INTU: variants seen among roughly 807,000 people sequenced by gnomAD.
INTU encodes inturned planar cell polarity protein.
Under a neutral mutation model 100.5 loss-of-function variants are expected in INTU, and 68 were observed. That is an observed-to-expected ratio of 0.68 (90% CI 0.56 to 0.83). INTU has a LOEUF of 0.83. Among genes scored for constraint, INTU ranks in the 40% least tolerant of loss-of-function variants. The pLI is 0.00. For synonymous variants in INTU, 357 were observed against 395.7 expected, an observed-to-expected ratio of 0.90 and a Z score of 1.16; for missense variants, 1,071 against 1,114.7, an observed-to-expected ratio of 0.96 and a Z score of 0.56.
rs544608677 is a variant in INTU at position 127,644,055 on chromosome 4, T to A, written c.681T>A (p.Ile227=). ...CTATGAAGAGCGGTCAGGTACTCAT[T>A]GGTAAGTGTTGCTGGTACACATCCA... ...GSAMKSGQVL[I]GDVLVAVNDV... The change falls in exon 2 of 16, where the codon ATT becomes ATA. Residue 227 remains isoleucine (I), a splice_region_variant and synonymous_variant. Transcript: ENST00000335251. 1 of 1,609,748 alleles carries A rather than the reference T, an allele frequency of 6.2e-7. No individual in the cohort carries two copies. The highest frequency in any genetic ancestry group is 1.1e-5 in the South Asian group (1 of 90,724).
In INTU at chr4:127,658,291, G is replaced by C. The variant is rs975616955; in HGVS notation, c.768+1570G>C. On this transcript the variant is annotated intron_variant, in intron 3 of 15. Coordinates refer to ENST00000335251, the MANE Select transcript of INTU (RefSeq NM_015693.4). ...GTGCTGGAATAACTATGGTAGCTGAGACCAGCAATGCCTAGGAATGGATAG... is the reference window on the plus strand; with the variant it reads ...GTGCTGGAATAACTATGGTAGCTGACACCAGCAATGCCTAGGAATGGATAG... Among the ~76,000 whole-genome samples the C allele has an allele frequency of 5.9e-5, 9 of 151,788 alleles. No homozygotes were observed. In the East Asian group the frequency reaches 1.7e-3, roughly 29 times the overall value.
intron 5 of INTU, among the ~76,000 whole-genome samples, chr4:127,673,857 A>G (rs1246918747): frequency 6.6e-6 from 1 of 151,504 alleles, no homozygotes; most frequent in Non-Finnish European, 1.5e-5. Context: ...TTGGTCTCCC[A>G]AAGTGCTAGG....
At chr4:127,641,292 A>G (rs1727322810) in intron 1 of INTU, among the ~76,000 whole-genome samples, 1 of 152,110 alleles carries the variant, frequency 6.6e-6, no homozygotes, top group South Asian at 2.1e-4. Flanking sequence ...CCTGCACTAC[A>G]AAAGCCAAAC....
At position 127,669,054 on chromosome 4, in the gene INTU, T is replaced by C. The variant is rs1233033292; in HGVS notation, c.991T>C (p.Tyr331His). The change falls in exon 5 of 16, where the codon TAT becomes CAT. Residue 331 changes from tyrosine (Y) to histidine (H), a missense_variant. Physicochemically the swap from Tyr to His is moderately conservative, Grantham distance 83 (BLOSUM62 2). Coordinates refer to ENST00000335251, the MANE Select transcript of INTU (RefSeq NM_015693.4). ...TTAACAGCAGGAAATTCTTTATCAT[T>C]ATCCAATGTCTGAAGCATCTCAGAA... The part of the protein sequence containing the change: ...SKEEQEILYH[Y>H]PMSEASQKLK... 1.3e-5 allele frequency: 20 copies of C among 1,484,304 alleles called. No homozygotes were observed. The highest frequency in any genetic ancestry group is 4.2e-5 in the African/African-American group (3 of 71,466). The allele number at this position is 1,484,304 out of a possible 1,614,324, so 91.9% of individuals were successfully genotyped here. A position where few individuals can be genotyped will look rare whatever the true frequency, so the allele number is the denominator to read the frequency against.
chr4:127,687,987 A>C, intron 8 of INTU, 120 bp downstream of exon 8: 1 of 654,162 alleles, frequency 1.5e-6, no homozygotes, highest in South Asian at 4.0e-5. Flanking sequence ...TTAAAGAGGC[A>C]ATTGGTTGAC....
rs1361720656 is a variant in INTU, at chr4:127,726,307, A to G, written c.*9871A>G. The G allele has an allele frequency of 2.0e-5, 3 of 152,212 alleles. No individual in the cohort carries two copies. Among genetic ancestry groups the G allele is most frequent in the African/African-American group, 7.2e-5 (3 of 41,468 alleles). The allele number at this position is 152,212 out of a possible 1,614,324, so 9.4% of individuals were successfully genotyped here. A position where few individuals can be genotyped will look rare whatever the true frequency, so the allele number is the denominator to read the frequency against. ...CTGCTTTTTTATATTTCTAATACAA[A>G]TGGGCAAAGCTGTGAAACCAATTTA... On this transcript the variant is annotated 3_prime_UTR_variant, in exon 16 of 16. Transcript: ENST00000335251.
intron 6 of INTU, among the ~76,000 whole-genome samples, chr4:127,674,587 G>T (rs1050142239): frequency 1.3e-5 from 2 of 152,120 alleles, no homozygotes; most frequent in African/African-American, 4.8e-5. Context: ...CAGCAGAAGG[G>T]TATTTTGCCC....
At chr4:127,700,144 G>A in intron 9 of INTU, 81 bp downstream of exon 9, 2 of 1,116,726 alleles carry the variant, frequency 1.8e-6, no homozygotes, top group South Asian at 2.8e-5. Context: ...TATTTACCAA[G>A]TGGATATATA....
chr4:127,650,920 G>C (rs1268914488), intron 2 of INTU, among the ~76,000 whole-genome samples: 1 of 152,194 alleles, frequency 6.6e-6, no homozygotes, highest in East Asian at 1.9e-4. Context: ...ATTCTAACTG[G>C]TGTGAGATGG....
chr4:127,716,509 C>T lies in INTU; in HGVS notation c.*73C>T, dbSNP rs1245091714. 3.4e-6 allele frequency: 2 copies of T among 588,474 alleles called. No homozygotes were observed. The highest frequency in any genetic ancestry group is 5.8e-6 in the Non-Finnish European group (2 of 347,552). The allele number at this position is 588,474 out of a possible 1,614,324, so 36.5% of individuals were successfully genotyped here. The stretch of plus-strand genomic sequence containing the variant: ...TGTCAGAATTGCTGAAATCAATACA[C>T]AAAGAGATAAAGTTTAGCTTCTTTT... On this transcript the variant is annotated 3_prime_UTR_variant, in exon 16 of 16. Transcript: ENST00000335251.
intron 2 of INTU, among the ~76,000 whole-genome samples, chr4:127,655,416 T>C (rs1056952475): frequency 6.7e-6 from 1 of 149,966 alleles, no homozygotes; most frequent in Non-Finnish European, 1.5e-5. Flanking sequence ...GGATGTCCTT[T>C]CTGTTTGTTA....
chr4:127,688,889 C>G (rs538924581), intron 8 of INTU, among the ~76,000 whole-genome samples: 25 of 151,768 alleles, frequency 1.6e-4, no homozygotes, highest in African/African-American at 5.1e-4. Flanking sequence ...TTGTCCTTAG[C>G]TCTATCAACT....
At position 127,642,580 on chromosome 4, in the gene INTU, G is replaced by A. The variant is rs1286281976; in HGVS notation, c.147-941G>A. Among the ~76,000 whole-genome samples the A allele has an allele frequency of 3.9e-5, 6 of 152,074 alleles. No individual in the cohort carries two copies. In the East Asian group the frequency reaches 1.2e-3, roughly 29 times the overall value. ...TACAACACAAATTATACTCTTTCAG[G>A]CCGGGATATTACAGCTCATGTTTCT... On this transcript the variant is annotated intron_variant, in intron 1 of 15. Coordinates refer to ENST00000335251, the MANE Select transcript of INTU (RefSeq NM_015693.4).
In INTU at chr4:127,655,224, G is replaced by C. The variant is rs529740519; in HGVS notation, c.683-1412G>C. 3.3e-5 allele frequency among the ~76,000 whole-genome samples: 5 copies of C among 152,150 alleles called. No individual in the cohort carries two copies. The East Asian group carries it at 9.6e-4, about 29-fold the overall frequency. On this transcript the variant is annotated intron_variant, in intron 2 of 15. Coordinates refer to ENST00000335251, the MANE Select transcript of INTU (RefSeq NM_015693.4). ...GTCTGAAGCCTTCTTCTCTCAGCTC[G>C]TCAAAGTCATTCTCCATCCAGCTTT...
chr4:127,700,183 G>T, intron 9 of INTU, 120 bp downstream of exon 9: 3 of 734,644 alleles, frequency 4.1e-6, no homozygotes, highest in Non-Finnish European at 6.4e-6. Flanking sequence ...TTAGGCCTCT[G>T]TTTTGACAGT....
intron 6 of INTU, among the ~76,000 whole-genome samples, chr4:127,678,433 T>C (rs969286464): frequency 1.2e-4 from 19 of 152,174 alleles, no homozygotes; most frequent in Non-Finnish European, 4.4e-5. Context: ...CAGAAGAGAC[T>C]GGGGGCCAAT....
chr4:127,634,457 C>T (rs1302972525), intron 1 of INTU, among the ~76,000 whole-genome samples: 2 of 152,144 alleles, frequency 1.3e-5, no homozygotes, highest in Non-Finnish European at 2.9e-5. Flanking sequence ...GAATTCAAGA[C>T]GCCTGATACC....
At chr4:127,704,852 C>T (rs1054470106) in intron 10 of INTU, among the ~76,000 whole-genome samples, 1 of 151,944 alleles carries the variant, frequency 6.6e-6, no homozygotes, top group Admixed American at 6.6e-5. Context: ...CTTTGGGGGG[C>T]CGAGGCAGGC....
In INTU at chr4:127,726,629, TATGAA is replaced by T. The variant is rs1312604592; in HGVS notation, c.*10196_*10200del. The stretch of plus-strand genomic sequence containing the variant: ...ATTGAAACTTTATGCACCAAAACTG[TATGAA>T]ATAATTTAATTTTGCAGTTGTGTTT... On this transcript the variant is annotated 3_prime_UTR_variant, in exon 16 of 16. Transcript: ENST00000335251. The T allele has an allele frequency of 6.6e-6, 1 of 152,238 alleles. No homozygotes were observed. Among genetic ancestry groups the T allele is most frequent in the Non-Finnish European group, 1.5e-5 (1 of 68,042 alleles). The allele number at this position is 152,238 out of a possible 1,614,324, so 9.4% of individuals were successfully genotyped here.
Sources: allele counts gnomAD v4.1 joint callset (sites outside exome capture counted in the v4.1 genomes callset), GRCh38; gene constraint gnomAD v4.1.1; transcripts MANE v1.5; gene names NCBI Gene and HGNC (gene_info 2026-07-23, HGNC 2026-07-21).